Variants in PHRF1 observed in about 807,000 individuals in gnomAD.
PHRF1 encodes PHD and ring finger domains 1, also known as PHD and RING finger domain-containing protein 1.
In PHRF1, 53 loss-of-function variants were observed where a neutral mutation model predicts 128.9. The observed-to-expected ratio is 0.41, with a 90% CI of 0.33 to 0.52. PHRF1 has a LOEUF of 0.52. Ranked by LOEUF, PHRF1 falls within the 20% of genes least tolerant of loss-of-function variation. The pLI is 0.21. For synonymous variants in PHRF1, 1,178 were observed against 980.6 expected, an observed-to-expected ratio of 1.20 and a Z score of -3.76; for missense variants, 2,503 against 2,284.5, an observed-to-expected ratio of 1.10 and a Z score of -1.95.
intron 1 of PHRF1, 75 bp downstream of exon 1, chr11:576,667 T>A (rs1302527351): frequency 1.3e-5 from 2 of 148,184 alleles, no homozygotes; most frequent in Non-Finnish European, 3.0e-5. Context: ...CGCCACGCGC[T>A]TTGTCTGCGG....
At position 582,021 on chromosome 11, in the gene PHRF1, G is replaced by C; in HGVS notation, c.154G>C (p.Asp52His). 4.4e-6 allele frequency: 7 copies of C among 1,608,466 alleles called. No individual in the cohort carries two copies. Among genetic ancestry groups the C allele is most frequent in the Non-Finnish European group, 5.9e-6 (7 of 1,177,552 alleles). Residue 52 changes from aspartate to histidine, a missense_variant, in exon 3 of 18, where the codon GAT (aspartate) becomes CAT (histidine). Asp to His is a moderately conservative substitution (Grantham distance 81). Transcript: ENST00000264555. ...SGDDSDSEHG[D>H]GTDGEDEGAS... ...GGACGACAGTGACAGCGAGCATGGA[G>C]ATGGCACAGACGGAGAAGACGAGGG...
Position 607,075 on chromosome 11 carries a change from C to G in PHRF1, c.1619C>G (p.Ser540Cys), listed in dbSNP as rs774874878. 3 of 1,554,042 alleles carry G rather than the reference C, an allele frequency of 1.9e-6. No homozygotes were observed. The East Asian group carries it at 6.8e-5, about 35-fold the overall frequency. ...CTTTTTTGTTTTTTAGCTCCAGTTT[C>G]TTTTCAGCGAAACTCAGGCAGTCTG... Reference protein sequence around the residue: ...SLSAKRAAPVSFQRNSGSLSR... With the variant: ...SLSAKRAAPVCFQRNSGSLSR... The change falls in exon 14 of 18, where the codon TCT becomes TGT. Residue 540 changes from serine (S) to cysteine (C), a missense_variant. Coordinates refer to ENST00000264555, the MANE Select transcript of PHRF1 (RefSeq NM_001286581.2).
intron 9 of PHRF1, among the ~76,000 whole-genome samples, chr11:601,063 A>G (rs1855597573): frequency 6.6e-6 from 1 of 152,242 alleles, no homozygotes; most frequent in Non-Finnish European, 1.5e-5. Context: ...AGGCAGGAGA[A>G]TCGCTTGAAC....
rs1210566260 is a variant in PHRF1, at chr11:579,969, G to A, written c.-21-1523G>A. Among the ~76,000 whole-genome samples the A allele has an allele frequency of 3.3e-5, 5 of 152,172 alleles. No homozygotes were observed. In the East Asian group the frequency reaches 7.7e-4, roughly 23 times the overall value. ...GTGGCGCTGACAGCCACTTTCCCCC[G>A]TTGCTGTGGTACATGTGCAGCCCAC... On this transcript the variant is annotated intron_variant, in intron 1 of 17. Transcript: ENST00000264555.
At chr11:598,272 C>T (rs1441338709) in intron 8 of PHRF1, 101 bp from the exon 9 acceptor site, 1 of 1,420,408 alleles carries the variant, frequency 7.0e-7, no homozygotes, top group South Asian at 1.5e-5. Flanking sequence ...TCCTGCTTCT[C>T]TGGCTGCCAT....
chr11:588,801 G>T (rs1854746498), intron 4 of PHRF1, among the ~76,000 whole-genome samples: 1 of 151,870 alleles, frequency 6.6e-6, no homozygotes, highest in Non-Finnish European at 1.5e-5. Flanking sequence ...GATAAATATT[G>T]GGCAGAAGAG....
rs778217863 is a variant in PHRF1, at chr11:601,671, A to T, written c.1122A>T (p.Arg374=). 1 of 1,613,856 alleles carries T rather than the reference A, an allele frequency of 6.2e-7. No homozygotes were observed. The highest frequency in any genetic ancestry group is 1.7e-5 in the Admixed American group (1 of 60,016). ...CAAGATCTAAGAAACGCCAACATCG[A>T]GTGAAGAAGAGAAGAGGGAAGAAGG... ...SATRSKKRQH[R]VKKRRGKKVK... The change falls in exon 10 of 18, where the codon CGA becomes CGT. Residue 374 remains arginine (R), a synonymous_variant. Coordinates refer to ENST00000264555, the MANE Select transcript of PHRF1 (RefSeq NM_001286581.2).
Position 607,663 on chromosome 11 carries a change from G to A in PHRF1, c.2207G>A (p.Arg736Lys). The A allele has an allele frequency of 3.1e-6, 5 of 1,610,432 alleles. No homozygotes were observed. Among genetic ancestry groups the A allele is most frequent in the Non-Finnish European group, 4.2e-6 (5 of 1,178,464 alleles). Residue 736 changes from arginine to lysine, a missense_variant, in exon 14 of 18, where the codon AGG becomes AAG. Coordinates refer to ENST00000264555, the MANE Select transcript of PHRF1 (RefSeq NM_001286581.2). ...CGGGCAGAGAGCGAGGCCAGCAGCA[G>A]GGTGCCCCGGGAGCCCGGGGTGCAC... ...GTRAESEASS[R>K]VPREPGVHTG...
Position 609,465 on chromosome 11 carries a change from C to T in PHRF1, c.4009C>T (p.Leu1337=), listed in dbSNP as rs1278930252. Residue 1337 remains leucine, a synonymous_variant, in exon 14 of 18, where the codon CTG becomes TTG. Transcript: ENST00000264555. ...TGAAGACCCTTCGCAGCCCCCACCC[C>T]TGCCAGAGGGCACCCAGGAGCCACA... ...HDEDPSQPPP[L]PEGTQEPHLL... is the part of the protein sequence containing the mutation. 1 of 1,605,452 alleles carries T rather than the reference C, an allele frequency of 6.2e-7. No homozygotes were observed. The highest frequency in any genetic ancestry group is 1.3e-5 in the African/African-American group (1 of 74,912).
intron 11 of PHRF1, 25 bp downstream of exon 11, chr11:605,325 C>T: frequency 6.2e-7 from 1 of 1,606,052 alleles, no homozygotes; most frequent in Non-Finnish European, 8.5e-7. Context: ...GATGGTCCTG[C>T]CTGGGCACCC....
Position 609,164 on chromosome 11 carries a change from C to T in PHRF1, c.3708C>T (p.Asp1236=). 2 of 1,606,254 alleles carry T rather than the reference C, an allele frequency of 1.2e-6. No individual in the cohort carries two copies. Among genetic ancestry groups the T allele is most frequent in the Non-Finnish European group, 8.5e-7 (1 of 1,178,898 alleles). The part of the protein sequence containing the change: ...AHVSPEVATA[D]KAPLQAPPVL... ...TCTCGCCGGAGGTGGCTACGGCCGACAAGGCCCCCCTGCAGGCTCCCCCTG... is the reference window on the plus strand; with the variant it reads ...TCTCGCCGGAGGTGGCTACGGCCGATAAGGCCCCCCTGCAGGCTCCCCCTG... The change falls in exon 14 of 18, where the codon GAC becomes GAT. Residue 1236 remains aspartate (D), a synonymous_variant. Coordinates refer to ENST00000264555, the MANE Select transcript of PHRF1 (RefSeq NM_001286581.2).
chr11:576,702 G>T (rs1177661453), intron 1 of PHRF1, 110 bp downstream of exon 1: 2 of 147,106 alleles, frequency 1.4e-5, no homozygotes, highest in Non-Finnish European at 3.0e-5. Flanking sequence ...CGAGGCCTGC[G>T]CCGCGCTGGC....
At chr11:601,355 G>A (rs1370891571) in intron 9 of PHRF1, among the ~76,000 whole-genome samples, 1 of 151,974 alleles carries the variant, frequency 6.6e-6, no homozygotes, top group Non-Finnish European at 1.5e-5. Context: ...CGTGAGCCCA[G>A]GAGTTGGAGG....
Position 608,979 on chromosome 11 carries a change from C to A in PHRF1, c.3523C>A (p.His1175Asn). The stretch of plus-strand genomic sequence containing the variant: ...AAGCTCGGAGCACAGGGCACGGGAG[C>A]ACAGGCGGCCTCGGTCCCGTGAGAA... ...SPSSEHRARE[H>N]RRPRSREKWP... The change falls in exon 14 of 18, where the codon CAC (histidine) becomes AAC (asparagine). Residue 1175 changes from histidine to asparagine, a missense_variant. Physicochemically the swap from His to Asn is moderately conservative, Grantham distance 68. Coordinates refer to ENST00000264555, the MANE Select transcript of PHRF1 (RefSeq NM_001286581.2). The A allele has an allele frequency of 6.2e-7, 1 of 1,608,508 alleles. No homozygotes were observed. Among genetic ancestry groups the A allele is most frequent in the Non-Finnish European group, 8.5e-7 (1 of 1,178,300 alleles).
Position 610,096 on chromosome 11 carries a change from C to T in PHRF1, c.4265-100C>T, listed in dbSNP as rs1856271136. The T allele has an allele frequency of 4.2e-6, 6 of 1,412,090 alleles. No individual in the cohort carries two copies. In the African/African-American group the frequency reaches 7.2e-5, roughly 17 times the overall value. 87.5% of individuals were successfully genotyped at this position (1,412,090 alleles called of 1,614,324 possible). On this transcript the variant is annotated intron_variant, in intron 14 of 17. Coordinates refer to ENST00000264555, the MANE Select transcript of PHRF1 (RefSeq NM_001286581.2). ...GTGGATCTGAGGGCTGCTCTGTGGT[C>T]CTTGCTCCTGGTGCTTTTCTGGATT...
chr11:609,629 C>T lies in PHRF1; in HGVS notation c.4173C>T (p.Thr1391=), dbSNP rs746468618. Residue 1391 remains threonine, a synonymous_variant, in exon 14 of 18, where the codon ACC becomes ACT. Transcript: ENST00000264555. The part of the protein sequence containing the change: ...AARPEEVVSQ[T]PLLRSRALVK... ...GGCCTGAGGAGGTGGTTTCGCAGACCCCCCTGCTGCGGTCCAGAGCCCTGG... is the reference window on the plus strand; with the variant it reads ...GGCCTGAGGAGGTGGTTTCGCAGACTCCCCTGCTGCGGTCCAGAGCCCTGG... 17 of 1,580,434 alleles carry T rather than the reference C, an allele frequency of 1.1e-5. 1 individual carries two copies. The highest frequency in any genetic ancestry group is 2.3e-5 in the South Asian group (2 of 86,746).
chr11:612,069 TTGAC>T lies in PHRF1; in HGVS notation c.*294_*297del. The T allele has an allele frequency of 2.2e-6, 1 of 455,640 alleles. No individual in the cohort carries two copies. 28.2% of individuals were successfully genotyped at this position (455,640 alleles called of 1,614,324 possible). On this transcript the variant is annotated 3_prime_UTR_variant, in exon 18 of 18. Coordinates refer to ENST00000264555, the MANE Select transcript of PHRF1 (RefSeq NM_001286581.2). ...TGGATTATCTTTAGAAACCTCTTGA[TTGAC>T]TTACTACTTGGAAGATAAAGCACTT...
At chr11:580,784 G>A (rs1346713403) in intron 1 of PHRF1, among the ~76,000 whole-genome samples, 1 of 152,166 alleles carries the variant, frequency 6.6e-6, no homozygotes, top group Non-Finnish European at 1.5e-5. Context: ...CGCCTCTCAG[G>A]TGCAAGCGAT....
At position 597,546 on chromosome 11, in the gene PHRF1, G is replaced by T. The variant is rs780053845; in HGVS notation, c.870G>T (p.Arg290=). 7 of 1,611,870 alleles carry T rather than the reference G, an allele frequency of 4.3e-6. No individual in the cohort carries two copies. The highest frequency in any genetic ancestry group is 5.1e-6 in the Non-Finnish European group (6 of 1,179,352). ...ERVRATVNRN[R]ISTARRVQHT... Reference sequence around the variant, plus strand: ...TGAGAGCAACCGTGAACCGGAACCGGATCTCCACGGCCAGGAGGGTCCAGG... The same window carrying T: ...TGAGAGCAACCGTGAACCGGAACCGTATCTCCACGGCCAGGAGGGTCCAGG... The change falls in exon 8 of 18, where the codon CGG becomes CGT. Residue 290 remains arginine (R), a synonymous_variant. Transcript: ENST00000264555. The surrounding 1 kb of genome is among the most constrained non-coding windows in gnomAD (Gnocchi z 6.5).
Sources: gnomAD v4.1 joint callset for allele counts (sites outside exome capture counted in the v4.1 genomes callset) on GRCh38, gnomAD v4.1.1 for gene constraint, Gnocchi (gnomAD v3.1) non-coding constraint, MANE v1.5 for transcripts, NCBI Gene and HGNC (gene_info 2026-07-23, HGNC 2026-07-21) for gene names.